YJU2: variants seen among roughly 807,000 people sequenced by gnomAD.
YJU2 encodes YJU2 splicing factor homolog.
A neutral mutation model predicts 39.6 loss-of-function variants in YJU2; 28 were observed. The ratio of observed to expected loss-of-function variants is 0.71; its 90% CI spans 0.52 to 0.97. YJU2 has a LOEUF of 0.97. YJU2 is among the 50% of genes least tolerant of loss of function. The probability of loss-of-function intolerance (pLI) is 0.00; values close to 1 mark genes in which losing one functional copy is unlikely to be tolerated. For synonymous variants in YJU2, 184 were observed against 182.4 expected, an observed-to-expected ratio of 1.01 and a Z score of -0.07; for missense variants, 328 against 430.4, an observed-to-expected ratio of 0.76 and a Z score of 2.11.
At chr19:4,259,359 G>A (rs1485104922) in intron 5 of YJU2, among the ~76,000 whole-genome samples, 8 of 151,876 alleles carry the variant, frequency 5.3e-5, no homozygotes, top group Non-Finnish European at 8.8e-5. Context: ...GATTGCAGGC[G>A]TGAGCCACCG....
chr19:4,247,639 GTGTGTGTGTGTGT>G lies in YJU2; in HGVS notation c.24+470_24+482del, dbSNP rs1970939020. 1.3e-3 allele frequency among the ~76,000 whole-genome samples: 88 copies of G among 66,694 alleles called. 7 individuals are homozygous for G. Among genetic ancestry groups the G allele is most frequent in the African/African-American group, 2.0e-3 (24 of 11,874 alleles). 43.8% of individuals were successfully genotyped at this position (66,694 alleles called of 152,430 possible). A position where few individuals can be genotyped will look rare whatever the true frequency, so the allele number is the denominator to read the frequency against. On this transcript the variant is annotated intron_variant, in intron 1 of 7. Transcript: ENST00000262962. ...TGTGTGTGTGTGTGTGTGTGTGTGT[GTGTGTGTGTGTGT>G]GTGTGTGTGTGTGTGTGTGTGTGTG...
intron 1 of YJU2, 143 bp downstream of exon 1, chr19:4,247,313 C>G: frequency 1.5e-6 from 1 of 671,946 alleles, no homozygotes; most frequent in Non-Finnish European, 2.5e-6. Flanking sequence ...AGACTCCTCC[C>G]TAGACTCCTC....
chr19:4,268,769 G>T lies in YJU2; in HGVS notation c.*73G>T. 2 of 1,143,086 alleles carry T rather than the reference G, an allele frequency of 1.7e-6. No homozygotes were observed. Among genetic ancestry groups the T allele is most frequent in the East Asian group, 5.1e-5 (2 of 39,530 alleles). The allele number at this position is 1,143,086 out of a possible 1,614,324, so 70.8% of individuals were successfully genotyped here. On this transcript the variant is annotated 3_prime_UTR_variant, in exon 8 of 8. Transcript: ENST00000262962. ...AGCCACATTGAGGCCAGCATTGCTG[G>T]TGGTCAGGGCAGGAGGCCTTGGCGT... is the stretch of plus-strand genomic sequence containing the variant.
At chr19:4,264,047 G>C (rs1192961102) in intron 6 of YJU2, among the ~76,000 whole-genome samples, 1 of 151,730 alleles carries the variant, frequency 6.6e-6, no homozygotes, top group African/African-American at 2.4e-5. Context: ...TGGATCACGA[G>C]GTCAGGAGAT....
In YJU2 at chr19:4,254,423, C is replaced by G; in HGVS notation, c.339C>G (p.Leu113=). The G allele has an allele frequency of 1.9e-6, 3 of 1,613,632 alleles. No individual in the cohort carries two copies. The highest frequency in any genetic ancestry group is 2.5e-6 in the Non-Finnish European group (3 of 1,179,884). The change falls in exon 4 of 8, where the codon CTC becomes CTG. Residue 113 remains leucine, a synonymous_variant. Transcript: ENST00000262962. ...GATRNFQAEK[L]LEEEEKRVQK... ...CGCGGAATTTCCAGGCTGAGAAGCT[C>G]CTGGAGGAGGAGGAGAAGAGGGTGC...
At position 4,268,774 on chromosome 19, in the gene YJU2, C is replaced by A; in HGVS notation, c.*78C>A. The A allele has an allele frequency of 9.1e-7, 1 of 1,096,594 alleles. No homozygotes were observed. The allele number at this position is 1,096,594 out of a possible 1,614,324, so 67.9% of individuals were successfully genotyped here. On this transcript the variant is annotated 3_prime_UTR_variant, in exon 8 of 8. Transcript: ENST00000262962. ...CATTGAGGCCAGCATTGCTGGTGGT[C>A]AGGGCAGGAGGCCTTGGCGTGACTG...
At chr19:4,265,549 T>C (rs1321624707) in intron 6 of YJU2, among the ~76,000 whole-genome samples, 1 of 151,260 alleles carries the variant, frequency 6.6e-6, no homozygotes. Context: ...AGTTTAATGA[T>C]GATGAGTACC....
chr19:4,252,365 G>A (rs1970984173), intron 3 of YJU2, among the ~76,000 whole-genome samples: 1 of 151,812 alleles, frequency 6.6e-6, no homozygotes, highest in African/African-American at 2.4e-5. Context: ...TTGGGAGGCT[G>A]AGGCAGGCGG....
chr19:4,248,492 C>T (rs1799753918), intron 1 of YJU2, among the ~76,000 whole-genome samples: 1 of 152,154 alleles, frequency 6.6e-6, no homozygotes, highest in Admixed American at 6.6e-5. Context: ...CTGTAGGAAA[C>T]GGATGTAGTA....
chr19:4,252,798 C>T (rs1449133581), intron 3 of YJU2, among the ~76,000 whole-genome samples: 2 of 151,824 alleles, frequency 1.3e-5, no homozygotes, highest in Middle Eastern at 3.4e-3. Flanking sequence ...TGATGGCATG[C>T]GCCTATAGTC....
chr19:4,247,625 GT>G lies in YJU2; in HGVS notation c.24+456del, dbSNP rs1444513974. On this transcript the variant is annotated intron_variant, in intron 1 of 7. Transcript: ENST00000262962. ...TGTGTGTGTGTGTGTGTGTGTGTGTGTGTGTGTGTGTGTGTGTGTGTGTGTG... is the reference window on the plus strand; with the variant it reads ...TGTGTGTGTGTGTGTGTGTGTGTGTGGTGTGTGTGTGTGTGTGTGTGTGTG... 3.7e-3 allele frequency among the ~76,000 whole-genome samples: 130 copies of G among 35,508 alleles called. 10 individuals are homozygous for G. The highest frequency in any genetic ancestry group is 9.2e-3 in the East Asian group (11 of 1,202). The allele number at this position is 35,508 out of a possible 152,430, so 23.3% of individuals were successfully genotyped here. A position where few individuals can be genotyped will look rare whatever the true frequency, so the allele number is the denominator to read the frequency against.
intron 1 of YJU2, 121 bp downstream of exon 1, chr19:4,247,291 A>G (rs1054874616): frequency 2.6e-5 from 23 of 882,562 alleles, no homozygotes; most frequent in Non-Finnish European, 4.1e-5. Context: ...CTTCCGCGAG[A>G]TGGGGCTTCC....
Position 4,268,030 on chromosome 19 carries a change from G to A in YJU2, c.859+256G>A, listed in dbSNP as rs1223164731. Reference sequence around the variant, plus strand: ...TGCAGTGGTGCCATCTCGGCTCACCGCAACCTCCGCCTCCCTGGTTTGAGC... The same window carrying A: ...TGCAGTGGTGCCATCTCGGCTCACCACAACCTCCGCCTCCCTGGTTTGAGC... On this transcript the variant is annotated intron_variant, in intron 7 of 7. Coordinates refer to ENST00000262962, the MANE Select transcript of YJU2 (RefSeq NM_018074.6). 3.3e-5 allele frequency among the ~76,000 whole-genome samples: 5 copies of A among 150,226 alleles called. No individual in the cohort carries two copies. The South Asian group carries it at 6.3e-4, about 19-fold the overall frequency.
rs142794016 is a variant in YJU2 at position 4,266,657 on chromosome 19, G to A, written c.709-967G>A. Among the ~76,000 whole-genome samples, 779 of 152,262 alleles carry A rather than the reference G, an allele frequency of 5.1e-3. 4 individuals are homozygous for A. Among genetic ancestry groups the A allele is most frequent in the Non-Finnish European group, 8.1e-3 (548 of 68,022 alleles). On this transcript the variant is annotated intron_variant, in intron 6 of 7. Transcript: ENST00000262962. The stretch of plus-strand genomic sequence containing the variant: ...CACCCATTGGGACTTCCTTAACCCA[G>A]TGGTTACCACTTCCTCTATTTAAAC...
intron 6 of YJU2, among the ~76,000 whole-genome samples, chr19:4,262,437 A>T (rs1971079591): frequency 1.3e-5 from 2 of 151,816 alleles, no homozygotes; most frequent in South Asian, 4.2e-4. Flanking sequence ...TCACCTCGTG[A>T]TCCGCCCGCC....
In YJU2 at chr19:4,268,814, A is replaced by G. The variant is rs576158717; in HGVS notation, c.*118A>G. 1 of 730,364 alleles carries G rather than the reference A, an allele frequency of 1.4e-6. No homozygotes were observed. Among genetic ancestry groups the G allele is most frequent in the East Asian group, 2.7e-5 (1 of 37,040 alleles). 45.2% of individuals were successfully genotyped at this position (730,364 alleles called of 1,614,324 possible). A position where few individuals can be genotyped will look rare whatever the true frequency, so the allele number is the denominator to read the frequency against. On this transcript the variant is annotated 3_prime_UTR_variant, in exon 8 of 8. Coordinates refer to ENST00000262962, the MANE Select transcript of YJU2 (RefSeq NM_018074.6). Reference sequence around the variant, plus strand: ...TGGCGTGACTGGAGGCCGGACAGACAAGCGCCAGCGTGCTCCAACACATAG... The same window carrying G: ...TGGCGTGACTGGAGGCCGGACAGACGAGCGCCAGCGTGCTCCAACACATAG...
chr19:4,258,965 T>C (rs920306920), intron 5 of YJU2, among the ~76,000 whole-genome samples: 9 of 150,992 alleles, frequency 6.0e-5, no homozygotes, highest in African/African-American at 2.2e-4. Flanking sequence ...GTCCCATCCA[T>C]GAGGGTGGGA....
chr19:4,261,989 C>T lies in YJU2; in HGVS notation c.588-5C>T. On this transcript the variant is annotated splice_polypyrimidine_tract_variant and splice_region_variant and intron_variant, in intron 5 of 7. Coordinates refer to ENST00000262962, the MANE Select transcript of YJU2 (RefSeq NM_018074.6). Reference sequence around the variant, plus strand: ...ACGTCCAAGTTCCCATCTTCCATCCCACAGGGCCCTGTTGGAGGAAGCCAG... The same window carrying T: ...ACGTCCAAGTTCCCATCTTCCATCCTACAGGGCCCTGTTGGAGGAAGCCAG... 1 of 1,612,942 alleles carries T rather than the reference C, an allele frequency of 6.2e-7. No individual in the cohort carries two copies. Among genetic ancestry groups the T allele is most frequent in the East Asian group, 2.2e-5 (1 of 44,858 alleles).
At chr19:4,249,368 T>A (rs928196214) in intron 2 of YJU2, 40 bp downstream of exon 2, 13 of 1,377,392 alleles carry the variant, frequency 9.4e-6, no homozygotes, top group Non-Finnish European at 1.3e-5. Context: ...CAGTCATGGC[T>A]GAAGGACGCA....
Sources: gnomAD v4.1 joint callset for allele counts (sites outside exome capture counted in the v4.1 genomes callset) on GRCh38, gnomAD v4.1.1 for gene constraint, MANE v1.5 for transcripts, NCBI Gene and HGNC (gene_info 2026-07-23, HGNC 2026-07-21) for gene names.